The following SEMA3F variants were observed in gnomAD, a reference collection of about 807,000 sequenced individuals.
SEMA3F encodes semaphorin-3F.
SEMA3F carries 30 observed loss-of-function variants against 98.5 expected under a neutral mutation model. The observed-to-expected ratio is 0.30, with a 90% CI of 0.23 to 0.41. SEMA3F has a LOEUF of 0.41. Among genes scored for constraint, SEMA3F ranks in the 10% least tolerant of loss-of-function variants. SEMA3F has a pLI of 1.00. For synonymous variants in SEMA3F, 380 were observed against 444.8 expected, an observed-to-expected ratio of 0.85 and a Z score of 1.83; for missense variants, 866 against 1,119.3, an observed-to-expected ratio of 0.77 and a Z score of 3.23.
At chr3:50,160,813 C>T (rs866249052) in intron 2 of SEMA3F, among the ~76,000 whole-genome samples, 7 of 152,304 alleles carry the variant, frequency 4.6e-5, no homozygotes, top group Middle Eastern at 3.4e-3. Flanking sequence ...CCCCTGGCCT[C>T]GTCCCACCCT....
intron 6 of SEMA3F, 136 bp from the exon 7 acceptor site, chr3:50,176,632 A>T: frequency 1.5e-6 from 1 of 677,948 alleles, no homozygotes; most frequent in Non-Finnish European, 2.6e-6. Flanking sequence ...TTTAAGGCCA[A>T]GGAATGCTGG....
intron 7 of SEMA3F, among the ~76,000 whole-genome samples, chr3:50,181,440 G>A (rs1190537979): frequency 1.3e-5 from 2 of 151,544 alleles, no homozygotes; most frequent in Admixed American, 1.3e-4. Flanking sequence ...TCCTGCCTCA[G>A]CCTCCTGAGT....
chr3:50,184,170 C>G (rs1484520349), intron 12 of SEMA3F: 3 of 237,314 alleles, frequency 1.3e-5, no homozygotes, highest in Non-Finnish European at 1.7e-5. Context: ...AGGCTGAGCC[C>G]AGGTTCAGGG....
rs1209956105 is a variant in SEMA3F, at chr3:50,182,553, G to T, written c.764-91G>T. On this transcript the variant is annotated intron_variant, in intron 8 of 18. Coordinates refer to ENST00000002829, the MANE Select transcript of SEMA3F (RefSeq NM_004186.5). This position sits in a 1 kb window ranked among gnomAD's most constrained non-coding sequence, Gnocchi z 4.5. ...TTTCTTATCTGGAGAGGAGTTGGGG[G>T]TGTTCTTGCACCTGGCTGGGGATTC... The T allele has an allele frequency of 1.3e-5, 20 of 1,578,668 alleles. No individual in the cohort carries two copies. Among genetic ancestry groups the T allele is most frequent in the Admixed American group, 1.7e-5 (1 of 59,044 alleles).
Position 50,155,702 on chromosome 3 carries a change from T to C in SEMA3F, c.-49+138T>C, listed in dbSNP as rs1697950951. The C allele has an allele frequency of 2.2e-5, 5 of 228,100 alleles. No individual in the cohort carries two copies. The highest frequency in any genetic ancestry group is 4.2e-5 in the Non-Finnish European group (5 of 118,120). 14.1% of individuals were successfully genotyped at this position (228,100 alleles called of 1,614,324 possible). A position where few individuals can be genotyped will look rare whatever the true frequency, so the allele number is the denominator to read the frequency against. ...CGAGCCGGGGGGCTGCCCGCGGACA[T>C]AGGGGCAACAAGGCTGGGGTGGGAT... On this transcript the variant is annotated intron_variant, in intron 1 of 18. Transcript: ENST00000002829. The surrounding 1 kb of genome is among the most constrained non-coding windows in gnomAD (Gnocchi z 4.9).
chr3:50,159,668 G>A lies in SEMA3F; in HGVS notation c.46G>A (p.Ala16Thr). 1 of 1,613,150 alleles carries A rather than the reference G, an allele frequency of 6.2e-7. No homozygotes were observed. The highest frequency in any genetic ancestry group is 8.5e-7 in the Non-Finnish European group (1 of 1,179,710). Residue 16 changes from alanine to threonine, a missense_variant, in exon 2 of 19, where the codon GCC becomes ACC. By Grantham distance (58) the Ala-to-Thr change is moderately conservative. This residue lies in a region of SEMA3F where 247 missense variants were observed against 276.0 expected (regional missense o/e 0.89). Transcript: ENST00000002829. ...TCTCTGGGCTTCCCTACTGACCGGGGCCTGGCCATCCTTCCCCACCCAGGA... is the reference window on the plus strand; with the variant it reads ...TCTCTGGGCTTCCCTACTGACCGGGACCTGGCCATCCTTCCCCACCCAGGA... ...LLLWASLLTG[A>T]WPSFPTQDHL...
intron 2 of SEMA3F, among the ~76,000 whole-genome samples, chr3:50,161,457 A>G (rs557625823): frequency 6.6e-6 from 1 of 152,336 alleles, no homozygotes; most frequent in Admixed American, 6.5e-5. Context: ...TTCCCTCTCA[A>G]TTAGCTCTGA....
chr3:50,176,722 C>A, intron 6 of SEMA3F, 46 bp from the exon 7 acceptor site: 2 of 1,417,202 alleles, frequency 1.4e-6, no homozygotes, highest in Non-Finnish European at 2.0e-6. Context: ...CACTTCCTGG[C>A]TGGGGGACTG....
chr3:50,176,899 G>T, intron 7 of SEMA3F, 38 bp downstream of exon 7: 1 of 1,513,204 alleles, frequency 6.6e-7, no homozygotes, highest in Non-Finnish European at 9.2e-7. Context: ...GTCTCAATGT[G>T]TGGCCTCTGC....
chr3:50,186,183 C>A, intron 16 of SEMA3F, 98 bp from the exon 17 acceptor site: 1 of 1,482,264 alleles, frequency 6.7e-7, no homozygotes, highest in Non-Finnish European at 9.2e-7. Context: ...ACATCACTGC[C>A]CTGGGGAAAA....
Position 50,182,844 on chromosome 3 carries a change from C to A in SEMA3F, c.904-60C>A. On this transcript the variant is annotated intron_variant, in intron 9 of 18. Coordinates refer to ENST00000002829, the MANE Select transcript of SEMA3F (RefSeq NM_004186.5). The surrounding 1 kb of genome is among the most constrained non-coding windows in gnomAD (Gnocchi z 4.5). ...ACCAGTTCTGGCTTCATCAGCCCTG[C>A]TCCAGCCAGGGCTTGGGGTCAAGAG... 6.2e-7 allele frequency: 1 copy of A among 1,609,500 alleles called. No homozygotes were observed. The highest frequency in any genetic ancestry group is 8.5e-7 in the Non-Finnish European group (1 of 1,176,900).
intron 2 of SEMA3F, among the ~76,000 whole-genome samples, chr3:50,170,569 G>A (rs896427931): frequency 6.6e-6 from 1 of 152,118 alleles, no homozygotes; most frequent in Non-Finnish European, 1.5e-5. Flanking sequence ...ATGCCAGGCC[G>A]TGAGCCTCTC....
chr3:50,188,046 AC>A lies in SEMA3F; in HGVS notation c.2293del (p.Arg765GlyfsTer50). On this transcript the variant is annotated frameshift_variant, in exon 19 of 19. Transcript: ENST00000002829. LOFTEE classifies it high-confidence loss of function. This position sits in a 1 kb window ranked among gnomAD's most constrained non-coding sequence, Gnocchi z 4.5. Reference protein sequence around the residue: ...PPSPREAPGAPRSPEPQDQKK... With the variant: ...PPSPREAPGAXRSPEPQDQKK... ...CCAGCCCCAGGGAGGCTCCAGGGGC[AC>A]CCCGGTCTCCTGAGCCCCAGGACCA... 6.3e-7 allele frequency: 1 copy of A among 1,586,184 alleles called. No homozygotes were observed. Among genetic ancestry groups the A allele is most frequent in the Non-Finnish European group, 8.6e-7 (1 of 1,166,028 alleles).
At chr3:50,176,952 A>C in intron 7 of SEMA3F, 91 bp downstream of exon 7, 1 of 1,061,516 alleles carries the variant, frequency 9.4e-7, no homozygotes, top group Non-Finnish European at 1.4e-6. Context: ...CCAAGGGCAG[A>C]GACCATGACT....
In SEMA3F at chr3:50,174,411, G is replaced by A. The variant is rs1037027826; in HGVS notation, c.456+61G>A. 7 of 1,552,682 alleles carry A rather than the reference G, an allele frequency of 4.5e-6. No individual in the cohort carries two copies. In the African/African-American group the frequency reaches 8.2e-5, roughly 18 times the overall value. On this transcript the variant is annotated intron_variant, in intron 5 of 18. Coordinates refer to ENST00000002829, the MANE Select transcript of SEMA3F (RefSeq NM_004186.5). ...GCTGGTGGCTGCATCCCAGGGTCCT[G>A]ATGGGAGGAGGGGCTTCAGCCCCAG...
At chr3:50,167,905 T>TGGCA (rs1390241126) in intron 2 of SEMA3F, among the ~76,000 whole-genome samples, 1 of 152,122 alleles carries the variant, frequency 6.6e-6, no homozygotes, top group African/African-American at 2.4e-5. Context: ...TTTCCTAGAG[T>TGGCA]GGCAGCTCTA....
intron 1 of SEMA3F, among the ~76,000 whole-genome samples, chr3:50,157,893 C>A (rs1163893592): frequency 6.6e-6 from 1 of 152,076 alleles, no homozygotes; most frequent in Non-Finnish European, 1.5e-5. Flanking sequence ...TTGACAGGAG[C>A]CCCCGTTACA....
At chr3:50,168,548 C>T (rs1409755384) in intron 2 of SEMA3F, among the ~76,000 whole-genome samples, 2 of 152,134 alleles carry the variant, frequency 1.3e-5, no homozygotes, top group Non-Finnish European at 2.9e-5. Flanking sequence ...TCTGGGCCTC[C>T]CTGCCCCCCC....
intron 6 of SEMA3F, among the ~76,000 whole-genome samples, chr3:50,176,140 G>A (rs1472279524): frequency 6.6e-6 from 1 of 152,180 alleles, no homozygotes; most frequent in African/African-American, 2.4e-5. Context: ...GTCTGGGCTG[G>A]ACTCCTTGAC....
Sources: allele counts gnomAD v4.1 joint callset (sites outside exome capture counted in the v4.1 genomes callset), GRCh38; gene constraint gnomAD v4.1.1; regional missense constraint gnomAD v4.1.1; non-coding constraint Gnocchi (gnomAD v3.1); transcripts MANE v1.5; gene names NCBI Gene and HGNC (gene_info 2026-07-23, HGNC 2026-07-21).